The following PPP6R3 variants were observed in gnomAD, a reference collection of about 807,000 sequenced individuals.
The protein encoded by PPP6R3 is protein phosphatase 6 regulatory subunit 3, also known as serine/threonine-protein phosphatase 6 regulatory subunit 3.
PPP6R3 carries 38 observed loss-of-function variants against 110.7 expected under a neutral mutation model. That is an observed-to-expected ratio of 0.34 (90% CI 0.26 to 0.45). The LOEUF is 0.45. PPP6R3 is among the 20% of genes least tolerant of loss of function. PPP6R3 has a pLI of 1.00. For synonymous variants in PPP6R3, 369 were observed against 373.5 expected (o/e 0.99, Z 0.14); for missense variants, 870 against 1,062.4 (o/e 0.82, Z 2.52).
At chr11:68,535,645 T>C (rs1479010459) in intron 2 of PPP6R3, 2 of 151,982 alleles carry the variant, frequency 1.3e-5, no homozygotes, top group African/African-American at 2.4e-5. Flanking sequence ...ACTTGCTCCT[T>C]AAGGAGCTTT....
At chr11:68,609,534 C>A in intron 22 of PPP6R3, 1 of 1,470,882 alleles carries the variant, frequency 6.8e-7, no homozygotes, top group Non-Finnish European at 9.3e-7. Flanking sequence ...ACATATTATT[C>A]CCCCAAATTC....
At chr11:68,521,570 A>G (rs1240200689) in intron 2 of PPP6R3, among the ~76,000 whole-genome samples, 2 of 152,194 alleles carry the variant, frequency 1.3e-5, no homozygotes, top group Admixed American at 1.3e-4. Context: ...CCTAGAATCA[A>G]TGCCAGGTGG....
At chr11:68,592,771 A>T (rs1313356099) in intron 18 of PPP6R3, among the ~76,000 whole-genome samples, 1 of 152,220 alleles carries the variant, frequency 6.6e-6, no homozygotes, top group East Asian at 1.9e-4. Flanking sequence ...GTTTGTTTGG[A>T]TAAAGTCACA....
chr11:68,466,791 T>G (rs970500005), intron 1 of PPP6R3, among the ~76,000 whole-genome samples: 9 of 152,254 alleles, frequency 5.9e-5, no homozygotes, highest in Non-Finnish European at 1.2e-4. Flanking sequence ...TTTTTTTGTA[T>G]TTTTATAGAG....
chr11:68,567,642 G>T (rs2099482897), intron 10 of PPP6R3, among the ~76,000 whole-genome samples: 1 of 152,200 alleles, frequency 6.6e-6, no homozygotes, highest in African/African-American at 2.4e-5. Context: ...AAAGCCCAGG[G>T]ATGATTTAGG....
Position 68,558,684 on chromosome 11 carries a change from G to A in PPP6R3, c.845+5G>A. The A allele has an allele frequency of 6.3e-7, 1 of 1,589,488 alleles. No individual in the cohort carries two copies. The highest frequency in any genetic ancestry group is 8.6e-7 in the Non-Finnish European group (1 of 1,160,466). ...ACTTGAGACACGACGACCAACGTAA[G>A]CTTTTCTTATATCTTACAAAATGAA... is the stretch of plus-strand genomic sequence containing the variant. On this transcript the variant is annotated splice_donor_5th_base_variant and intron_variant, in intron 8 of 23. Transcript: ENST00000393800.
chr11:68,523,812 G>A (rs556919711), intron 2 of PPP6R3, among the ~76,000 whole-genome samples: 4 of 144,198 alleles, frequency 2.8e-5, no homozygotes, highest in African/African-American at 5.1e-5. Context: ...TTCCTAAATC[G>A]TTTAAGTTTT....
chr11:68,556,679 GA>G (rs2099400859), intron 7 of PPP6R3, among the ~76,000 whole-genome samples: 1 of 152,064 alleles, frequency 6.6e-6, no homozygotes, highest in South Asian at 2.1e-4. Context: ...TTTAAAATGT[GA>G]AAATGAATAT....
At chr11:68,502,476 C>T (rs1364045417) in intron 1 of PPP6R3, among the ~76,000 whole-genome samples, 4 of 152,098 alleles carry the variant, frequency 2.6e-5, no homozygotes, top group Non-Finnish European at 2.9e-5. Flanking sequence ...ACCAAGAACC[C>T]AAGTAAACAG....
intron 8 of PPP6R3, 39 bp from the exon 9 acceptor site, chr11:68,564,264 T>G: frequency 1.3e-6 from 2 of 1,562,252 alleles, no homozygotes; most frequent in Non-Finnish European, 1.8e-6. Context: ...TGATTTGTTC[T>G]GAAATTATAA....
intron 1 of PPP6R3, among the ~76,000 whole-genome samples, chr11:68,511,807 T>TGTG (rs1371095088): frequency 0.04 from 5,805 of 144,456 alleles, 124 homozygotes; most frequent in Middle Eastern, 0.13. Context: ...GTGTGTGTGT[T>TGTG]TTTTAAATGT....
At chr11:68,488,768 C>T (rs982722626) in intron 1 of PPP6R3, 4 of 152,094 alleles carry the variant, frequency 2.6e-5, no homozygotes, top group African/African-American at 9.7e-5. Flanking sequence ...GGGGCAGAAT[C>T]ACAGAAGCTG....
chr11:68,542,389 G>GTTTTTTTTTTTGTT lies in PPP6R3; in HGVS notation c.228-2438_228-2437insGTTTTTTTTTTTTT, dbSNP rs1555132284. Among the ~76,000 whole-genome samples, 5 of 40,206 alleles carry GTTTTTTTTTTTGTT rather than the reference G, an allele frequency of 1.2e-4. 2 individuals are homozygous for GTTTTTTTTTTTGTT. Among genetic ancestry groups the GTTTTTTTTTTTGTT allele is most frequent in the African/African-American group, 2.1e-4 (2 of 9,640 alleles). The allele number at this position is 40,206 out of a possible 152,430, so 26.4% of individuals were successfully genotyped here. ...ATCTTTGGGTGCTTGAGAAGCTGCT[G>GTTTTTTTTTTTGTT]TTTTTTTTTTTTTTTTTTTTTTAAG... On this transcript the variant is annotated intron_variant, in intron 3 of 23. Transcript: ENST00000393800.
chr11:68,542,389 G>GTTTTTGTTTTTT lies in PPP6R3; in HGVS notation c.228-2444_228-2443insGTTTTTTTTTTT, dbSNP rs2099321754. Among the ~76,000 whole-genome samples the GTTTTTGTTTTTT allele has an allele frequency of 7.5e-5, 3 of 40,188 alleles. 1 individual carries two copies. The highest frequency in any genetic ancestry group is 3.1e-4 in the African/African-American group (3 of 9,630). The allele number at this position is 40,188 out of a possible 152,430, so 26.4% of individuals were successfully genotyped here. A position where few individuals can be genotyped will look rare whatever the true frequency, so the allele number is the denominator to read the frequency against. The stretch of plus-strand genomic sequence containing the variant: ...ATCTTTGGGTGCTTGAGAAGCTGCT[G>GTTTTTGTTTTTT]TTTTTTTTTTTTTTTTTTTTTTAAG... On this transcript the variant is annotated intron_variant, in intron 3 of 23. Transcript: ENST00000393800.
chr11:68,470,477 G>A (rs2098783031), intron 1 of PPP6R3, among the ~76,000 whole-genome samples: 1 of 152,052 alleles, frequency 6.6e-6, no homozygotes, highest in Non-Finnish European at 1.5e-5. Context: ...GGATGGGGGA[G>A]ATGGGGGGAG....
At position 68,551,199 on chromosome 11, in the gene PPP6R3, G is replaced by A. The variant is rs2099372067; in HGVS notation, c.618+13G>A. ...GCAAGAAGAAGATGTAAGTTCACTT[G>A]TGTGACTGTAAACTTGATTAGAAAA... On this transcript the variant is annotated intron_variant, in intron 6 of 23. Coordinates refer to ENST00000393800, the MANE Select transcript of PPP6R3 (RefSeq NM_001164161.2). The A allele has an allele frequency of 6.3e-7, 1 of 1,591,136 alleles. No homozygotes were observed. Among genetic ancestry groups the A allele is most frequent in the South Asian group, 1.1e-5 (1 of 88,690 alleles).
intron 8 of PPP6R3, among the ~76,000 whole-genome samples, chr11:68,559,730 A>C (rs548004953): frequency 1.3e-5 from 2 of 152,258 alleles, no homozygotes; most frequent in Non-Finnish European, 2.9e-5. Context: ...TAGGAAAATC[A>C]GTACCATCTT....
At chr11:68,498,177 A>T (rs2099029032) in intron 1 of PPP6R3, among the ~76,000 whole-genome samples, 1 of 152,224 alleles carries the variant, frequency 6.6e-6, no homozygotes, top group African/African-American at 2.4e-5. Flanking sequence ...ATCAGTGGCC[A>T]GAAAAATTAC....
At chr11:68,565,789 G>A (rs999474408) in intron 9 of PPP6R3, among the ~76,000 whole-genome samples, 175 of 148,584 alleles carry the variant, frequency 1.2e-3, no homozygotes, top group Middle Eastern at 0.011. Context: ...GTCTGTCTCG[G>A]AGTACCGTTT....
Sources: allele counts gnomAD v4.1 joint callset (sites outside exome capture counted in the v4.1 genomes callset), GRCh38; gene constraint gnomAD v4.1.1; transcripts MANE v1.5; gene names NCBI Gene and HGNC (gene_info 2026-07-23, HGNC 2026-07-21).